The following PNPLA6 variants were observed in gnomAD, a reference collection of about 807,000 sequenced individuals.
PNPLA6 encodes the protein patatin-like phospholipase domain-containing protein 6.
A neutral mutation model predicts 153.7 loss-of-function variants in PNPLA6; 105 were observed. The ratio of observed to expected loss-of-function variants is 0.68; its 90% confidence interval spans 0.58 to 0.80. The LOEUF (loss-of-function observed/expected upper bound fraction) is 0.80. Among genes scored for constraint, PNPLA6 ranks in the 30% least tolerant of loss-of-function variants. PNPLA6 has a pLI of 0.00. For synonymous variants in PNPLA6, 825 were observed against 822.2 expected (o/e 1.00, Z -0.06); for missense variants, 1,423 against 1,919.3 (o/e 0.74, Z 4.83).
rs1314171908 is a variant in PNPLA6 at position 7,539,924 on chromosome 19, G to C, written c.420G>C (p.Leu140=). 6.5e-7 allele frequency: 1 copy of C among 1,545,350 alleles called. No individual in the cohort carries two copies. The highest frequency in any genetic ancestry group is 8.7e-7 in the Non-Finnish European group (1 of 1,146,518). ...ACCCCTCCCCTCCCACCAGGATCCT[G>C]CGCATCCAGAAAGAGACGCCCACGC... ...LKMLNIAKKI[L]RIQKETPTLQ... The change falls in exon 4 of 32, where the codon CTG becomes CTC. Residue 140 remains leucine (L), a synonymous_variant. Coordinates refer to ENST00000600737, the MANE Select transcript of PNPLA6 (RefSeq NM_001166114.2).
At chr19:7,558,742 T>TCTCTC (rs10677650) in intron 27 of PNPLA6, 108 bp from the exon 28 acceptor site, 3 of 586,484 alleles carry the variant, frequency 5.1e-6, no homozygotes, top group Non-Finnish European at 8.6e-6. Context: ...GTATTCTCTC[T>TCTCTC]TTTTTTTTTG....
rs1405125779 is a variant in PNPLA6, at chr19:7,541,168, G to C, written c.924+117G>C. The C allele has an allele frequency of 2.8e-5, 37 of 1,310,176 alleles. No homozygotes were observed. The highest frequency in any genetic ancestry group is 5.0e-5 in the East Asian group (2 of 40,038). The allele number at this position is 1,310,176 out of a possible 1,614,324, so 81.2% of individuals were successfully genotyped here. A position where few individuals can be genotyped will look rare whatever the true frequency, so the allele number is the denominator to read the frequency against. Reference sequence around the variant, plus strand: ...AGCAGGCGCTGGAGCTGTGGTTATCGGCCTGGAGCAGCCAGATGTCTGCAG... The same window carrying C: ...AGCAGGCGCTGGAGCTGTGGTTATCCGCCTGGAGCAGCCAGATGTCTGCAG... On this transcript the variant is annotated intron_variant, in intron 7 of 31. Coordinates refer to ENST00000600737, the MANE Select transcript of PNPLA6 (RefSeq NM_001166114.2). The surrounding 1 kb of genome is among the most constrained non-coding windows in gnomAD (Gnocchi z 5.2).
chr19:7,554,877 C>T lies in PNPLA6; in HGVS notation c.2635-16C>T, dbSNP rs1378635490. 2.5e-6 allele frequency: 4 copies of T among 1,577,946 alleles called. No individual in the cohort carries two copies. The highest frequency in any genetic ancestry group is 2.3e-5 in the East Asian group (1 of 43,812). On this transcript the variant is annotated splice_polypyrimidine_tract_variant and intron_variant, in intron 21 of 31. Transcript: ENST00000600737. ...TGGTGGGGCGGCTGGTGACCTCAGC[C>T]GTCCGTATTCCGCAGCTGGAGCAGA...
At chr19:7,547,385 T>C (rs2146077634) in intron 13 of PNPLA6, among the ~76,000 whole-genome samples, 1 of 152,304 alleles carries the variant, frequency 6.6e-6, no homozygotes, top group South Asian at 2.1e-4. Context: ...AGTATGTCAT[T>C]GTGGTTTTGC....
chr19:7,543,298 C>T (rs1317733194), intron 13 of PNPLA6, among the ~76,000 whole-genome samples: 2 of 152,074 alleles, frequency 1.3e-5, no homozygotes, highest in African/African-American at 4.8e-5. Context: ...CAACCCTTCA[C>T]CTGTGACCCC....
In PNPLA6 at chr19:7,541,195, C is replaced by G. The variant is rs1422905269; in HGVS notation, c.924+144C>G. The G allele has an allele frequency of 8.9e-7, 1 of 1,129,336 alleles. No homozygotes were observed. The highest frequency in any genetic ancestry group is 1.3e-6 in the Non-Finnish European group (1 of 769,836). The allele number at this position is 1,129,336 out of a possible 1,614,324, so 70.0% of individuals were successfully genotyped here. A position where few individuals can be genotyped will look rare whatever the true frequency, so the allele number is the denominator to read the frequency against. On this transcript the variant is annotated intron_variant, in intron 7 of 31. Coordinates refer to ENST00000600737, the MANE Select transcript of PNPLA6 (RefSeq NM_001166114.2). This position sits in a 1 kb window ranked among gnomAD's most constrained non-coding sequence, Gnocchi z 5.2. ...CCTGGAGCAGCCAGATGTCTGCAGC[C>G]GCGGACTCCTCCCTTAGCTGCCTCG...
Position 7,561,320 on chromosome 19 carries a change from G to A in PNPLA6, c.4023+3G>A. ...GCCCCAGCACTGCCTCCGAGATGGT[G>A]AGAGTGGGTGGCCCAGGGTCCCCTC... On this transcript the variant is annotated splice_donor_region_variant and intron_variant, in intron 31 of 31. Transcript: ENST00000600737. 6.3e-7 allele frequency: 1 copy of A among 1,593,256 alleles called. No homozygotes were observed. Among genetic ancestry groups the A allele is most frequent in the Non-Finnish European group, 8.6e-7 (1 of 1,168,328 alleles).
At position 7,541,167 on chromosome 19, in the gene PNPLA6, C is replaced by A; in HGVS notation, c.924+116C>A. On this transcript the variant is annotated intron_variant, in intron 7 of 31. Coordinates refer to ENST00000600737, the MANE Select transcript of PNPLA6 (RefSeq NM_001166114.2). The surrounding 1 kb of genome is among the most constrained non-coding windows in gnomAD (Gnocchi z 5.2). ...CAGCAGGCGCTGGAGCTGTGGTTATCGGCCTGGAGCAGCCAGATGTCTGCA... is the reference window on the plus strand; with the variant it reads ...CAGCAGGCGCTGGAGCTGTGGTTATAGGCCTGGAGCAGCCAGATGTCTGCA... 5 of 1,302,160 alleles carry A rather than the reference C, an allele frequency of 3.8e-6. No individual in the cohort carries two copies. The highest frequency in any genetic ancestry group is 3.8e-5 in the South Asian group (3 of 79,428). 80.7% of individuals were successfully genotyped at this position (1,302,160 alleles called of 1,614,324 possible). A position where few individuals can be genotyped will look rare whatever the true frequency, so the allele number is the denominator to read the frequency against.
At chr19:7,538,406 C>T (rs1265946318) in intron 3 of PNPLA6, among the ~76,000 whole-genome samples, 1 of 151,874 alleles carries the variant, frequency 6.6e-6, no homozygotes, top group Non-Finnish European at 1.5e-5. Context: ...TAGTCTTGAA[C>T]TCCTGGCCTC....
intron 30 of PNPLA6, 23 bp downstream of exon 30, chr19:7,561,133 C>T (rs1444314032): frequency 3.8e-6 from 6 of 1,571,680 alleles, no homozygotes; most frequent in African/African-American, 1.4e-5. Flanking sequence ...GGGGACCCCC[C>T]AAGAGGGAGG....
rs1254562553 is a variant in PNPLA6 at position 7,541,467 on chromosome 19, G to A, written c.1005+33G>A. 16 of 1,612,506 alleles carry A rather than the reference G, an allele frequency of 9.9e-6. No individual in the cohort carries two copies. The Admixed American group carries it at 2.2e-4, about 22-fold the overall frequency. On this transcript the variant is annotated intron_variant, in intron 8 of 31. Coordinates refer to ENST00000600737, the MANE Select transcript of PNPLA6 (RefSeq NM_001166114.2). The surrounding 1 kb of genome is among the most constrained non-coding windows in gnomAD (Gnocchi z 5.2). ...GGTGGCGGGGAGCGAGCACAGGGGG[G>A]ATGGGGGCGAGGTCTCCCTCCCAGG...
In PNPLA6 at chr19:7,550,075, T is replaced by A; in HGVS notation, c.1777T>A (p.Cys593Ser). The change falls in exon 14 of 32, where the codon TGC becomes AGC. Residue 593 changes from cysteine (C) to serine (S), a missense_variant. This residue lies in a region of PNPLA6 where 119 missense variants were observed against 163.7 expected (regional missense o/e 0.73). Coordinates refer to ENST00000600737, the MANE Select transcript of PNPLA6 (RefSeq NM_001166114.2). Reference sequence around the variant, plus strand: ...CTTCACACTGCGAGCCCAACGCGACTGCACCTTCCTGCGGATCTCCAAGTC... The same window carrying A: ...CTTCACACTGCGAGCCCAACGCGACAGCACCTTCCTGCGGATCTCCAAGTC... The part of the protein sequence containing the change: ...LIFTLRAQRD[C>S]TFLRISKSDF... 6.2e-7 allele frequency: 1 copy of A among 1,614,118 alleles called. No homozygotes were observed. Among genetic ancestry groups the A allele is most frequent in the Non-Finnish European group, 8.5e-7 (1 of 1,180,040 alleles).
intron 13 of PNPLA6, among the ~76,000 whole-genome samples, chr19:7,547,707 A>G (rs1340734509): frequency 1.3e-5 from 2 of 152,000 alleles, no homozygotes; most frequent in East Asian, 3.9e-4. Flanking sequence ...ACGCTATCAT[A>G]GCTCACTGCA....
At chr19:7,557,880 C>T (rs1269141350) in intron 27 of PNPLA6, among the ~76,000 whole-genome samples, 2 of 152,056 alleles carry the variant, frequency 1.3e-5, no homozygotes, top group Non-Finnish European at 2.9e-5. Context: ...CAGGTGCACA[C>T]GTCCACACAC....
rs1246639539 is a variant in PNPLA6 at position 7,543,065 on chromosome 19, T to C, written c.1589T>C (p.Ile530Thr). Residue 530 changes from isoleucine to threonine, a missense_variant, in exon 13 of 32, where the codon ATT becomes ACT. Transcript: ENST00000600737. ...CACCACGCCAAAGCTGGCACCATCA[T>C]TGCCCGCCAGGGAGACCAGGTGAGG... The part of the protein sequence containing the change: ...LLHHAKAGTI[I>T]ARQGDQDVSL... The C allele has an allele frequency of 6.2e-7, 1 of 1,613,938 alleles. No homozygotes were observed. Among genetic ancestry groups the C allele is most frequent in the African/African-American group, 1.3e-5 (1 of 75,048 alleles).
Position 7,540,984 on chromosome 19 carries a change from G to T in PNPLA6, c.857G>T (p.Arg286Leu). ...GCGGCCCGGGACTCCACGGTGCTGC[G>T]CCTGCCGGTGGAAGCATTCTCCGCG... ...ARAARDSTVL[R>L]LPVEAFSAVF... The change falls in exon 7 of 32, where the codon CGC becomes CTC. Residue 286 changes from arginine (R) to leucine (L), a missense_variant. Arg to Leu is a moderately radical substitution (Grantham distance 102, BLOSUM62 -2). Coordinates refer to ENST00000600737, the MANE Select transcript of PNPLA6 (RefSeq NM_001166114.2). The surrounding 1 kb of genome is among the most constrained non-coding windows in gnomAD (Gnocchi z 6.8). The T allele has an allele frequency of 6.2e-7, 1 of 1,608,514 alleles. No individual in the cohort carries two copies. Among genetic ancestry groups the T allele is most frequent in the Non-Finnish European group, 8.5e-7 (1 of 1,178,690 alleles).
At chr19:7,561,453 G>C in intron 31 of PNPLA6, 35 bp from the exon 32 acceptor site, 3 of 1,566,984 alleles carry the variant, frequency 1.9e-6, no homozygotes, top group Non-Finnish European at 1.7e-6. Flanking sequence ...TCAGTGTCCC[G>C]TGCTGGGTGA....
chr19:7,561,137 A>G (rs1480129715), intron 30 of PNPLA6, 27 bp downstream of exon 30: 1 of 1,596,988 alleles, frequency 6.3e-7, no homozygotes, highest in Non-Finnish European at 8.6e-7. Context: ...ACCCCCCAAG[A>G]GGGAGGGGAG....
At position 7,554,242 on chromosome 19, in the gene PNPLA6, G is replaced by C. The variant is rs764917659; in HGVS notation, c.2435G>C (p.Arg812Pro). ...PTLLLNSDII[R>P]ARLGASALDS... ...CTACTCCTTAACAGTGACATCATCC[G>C]GGCACGCCTGGGGGCCTCCGCACTG... Residue 812 changes from arginine (R) to proline (P), a missense_variant, in exon 20 of 32, where the codon CGG becomes CCG. By Grantham distance (103) the Arg-to-Pro change is moderately radical (BLOSUM62 -2). Coordinates refer to ENST00000600737, the MANE Select transcript of PNPLA6 (RefSeq NM_001166114.2). 1 of 1,614,092 alleles carries C rather than the reference G, an allele frequency of 6.2e-7. No individual in the cohort carries two copies. The highest frequency in any genetic ancestry group is 1.3e-5 in the African/African-American group (1 of 75,028).
Sources: gnomAD v4.1 joint callset for allele counts (sites outside exome capture counted in the v4.1 genomes callset) on GRCh38, gnomAD v4.1.1 for gene constraint, gnomAD v4.1.1 regional missense constraint, Gnocchi (gnomAD v3.1) non-coding constraint, MANE v1.5 for transcripts, NCBI Gene and HGNC (gene_info 2026-07-23, HGNC 2026-07-21) for gene names.